Variants in ARFGEF1 observed in about 807,000 individuals in gnomAD.
ARFGEF1 encodes ARF guanine nucleotide exchange factor 1, also known as brefeldin A-inhibited guanine nucleotide-exchange protein 1.
Under a neutral mutation model 231.0 loss-of-function variants are expected in ARFGEF1, and 42 were observed. The ratio of observed to expected loss-of-function variants is 0.18; its 90% CI spans 0.14 to 0.24. The LOEUF (loss-of-function observed/expected upper bound fraction) is 0.24, where lower values mean the gene tolerates loss of function less well. ARFGEF1 is among the 10% of genes least tolerant of loss of function. The probability of loss-of-function intolerance (pLI) is 1.00; values close to 1 mark genes in which losing one functional copy is unlikely to be tolerated. For synonymous variants in ARFGEF1, 710 were observed against 732.3 expected, an observed-to-expected ratio of 0.97 and a Z score of 0.49; for missense variants, 1,345 against 2,192.0, an observed-to-expected ratio of 0.61 and a Z score of 7.72.
chr8:67,300,007 A>G (rs1213396578), intron 3 of ARFGEF1, among the ~76,000 whole-genome samples: 1 of 152,050 alleles, frequency 6.6e-6, no homozygotes, highest in Admixed American at 6.6e-5. Flanking sequence ...CTTTCCACAT[A>G]AACAAGGTTT....
chr8:67,264,459 A>G (rs1804765197), intron 14 of ARFGEF1, among the ~76,000 whole-genome samples: 1 of 152,152 alleles, frequency 6.6e-6, no homozygotes, highest in South Asian at 2.1e-4. Context: ...AATAAGAAAT[A>G]CAAAAATAAC....
At chr8:67,224,458 T>G (rs945245671) in intron 29 of ARFGEF1, among the ~76,000 whole-genome samples, 2 of 152,216 alleles carry the variant, frequency 1.3e-5, no homozygotes, top group African/African-American at 4.8e-5. Flanking sequence ...TTTGAATAGC[T>G]CTATATTATT....
At chr8:67,283,256 AAAGAT>A (rs1259779416) in intron 7 of ARFGEF1, among the ~76,000 whole-genome samples, 2 of 152,166 alleles carry the variant, frequency 1.3e-5, no homozygotes, top group African/African-American at 4.8e-5. Context: ...AATTTAGCCA[AAAGAT>A]AAGTGCAAAA....
chr8:67,258,054 G>A (rs1266068239), intron 16 of ARFGEF1, 31 bp downstream of exon 16: 4 of 1,566,468 alleles, frequency 2.6e-6, no homozygotes, highest in Non-Finnish European at 2.6e-6. Flanking sequence ...GGATATAACA[G>A]ACAATCAATG....
rs574900211 is a variant in ARFGEF1, at chr8:67,248,827, T to C, written c.2850+2472A>G. Among the ~76,000 whole-genome samples the C allele has an allele frequency of 3.3e-5, 5 of 150,738 alleles. No individual in the cohort carries two copies. The East Asian group carries it at 9.7e-4, about 29-fold the overall frequency. ...GTAAACAATTTAGGACGGTCATGCCTGCTTACAGGTGTTGTCTGTTGAAAC... is the reference window on the plus strand; with the variant it reads ...GTAAACAATTTAGGACGGTCATGCCCGCTTACAGGTGTTGTCTGTTGAAAC... On this transcript the variant is annotated intron_variant, in intron 19 of 38. Coordinates refer to ENST00000262215, the MANE Select transcript of ARFGEF1 (RefSeq NM_006421.5).
chr8:67,193,244 G>T (rs138037265), downstream of ARFGEF1, among the ~76,000 whole-genome samples: 2 of 151,944 alleles, frequency 1.3e-5, no homozygotes, highest in East Asian at 3.9e-4. Context: ...GACTACAGGC[G>T]CCTGCCACCA....
At position 67,333,739 on chromosome 8, in the gene ARFGEF1, T is replaced by C. The variant is rs551784715; in HGVS notation, c.124+9425A>G. Among the ~76,000 whole-genome samples, 16 of 152,324 alleles carry C rather than the reference T, an allele frequency of 1.1e-4. No individual in the cohort carries two copies. The South Asian group carries it at 3.3e-3, about 32-fold the overall frequency. ...GAAATGTTCCAAAATCTGAAACTTT[T>C]TGAGAACTGACATGAAGCCAGAAGT... On this transcript the variant is annotated intron_variant, in intron 1 of 38. Coordinates refer to ENST00000262215, the MANE Select transcript of ARFGEF1 (RefSeq NM_006421.5).
At chr8:67,308,438 A>C (rs16933259) in intron 1 of ARFGEF1, among the ~76,000 whole-genome samples, 3,377 of 152,334 alleles carry the variant, frequency 0.022, 81 homozygotes, top group South Asian at 0.047. Context: ...ATGTGTTGTG[A>C]AAATCTAGAT....
At chr8:67,254,096 C>G (rs1840379986) in intron 17 of ARFGEF1, among the ~76,000 whole-genome samples, 1 of 152,230 alleles carries the variant, frequency 6.6e-6, no homozygotes, top group South Asian at 2.1e-4. Context: ...AACAATCTCT[C>G]TGACTGAGTC....
chr8:67,310,560 C>T (rs992518600), intron 1 of ARFGEF1, among the ~76,000 whole-genome samples: 415 of 152,088 alleles, frequency 2.7e-3, no homozygotes, highest in Non-Finnish European at 2.5e-3. Context: ...GGCCGCCCAT[C>T]GTCTGGGATG....
At chr8:67,327,962 C>CT (rs1173502195) in intron 1 of ARFGEF1, among the ~76,000 whole-genome samples, 1 of 151,972 alleles carries the variant, frequency 6.6e-6, no homozygotes, top group Non-Finnish European at 1.5e-5. Flanking sequence ...GATGAATACA[C>CT]TTGTACATAT....
intron 34 of ARFGEF1, among the ~76,000 whole-genome samples, chr8:67,210,588 C>T (rs1838698851): frequency 6.6e-6 from 1 of 152,178 alleles, no homozygotes. Flanking sequence ...CTAGGCCCTA[C>T]TTTTGCAGAC....
chr8:67,310,747 C>T (rs898098060), intron 1 of ARFGEF1, among the ~76,000 whole-genome samples: 4 of 151,018 alleles, frequency 2.6e-5, no homozygotes, highest in African/African-American at 7.3e-5. Flanking sequence ...TGCCCGGCCG[C>T]GACCCCGTCT....
At chr8:67,329,997 A>G (rs189164764) in intron 1 of ARFGEF1, among the ~76,000 whole-genome samples, 2 of 152,196 alleles carry the variant, frequency 1.3e-5, no homozygotes, top group East Asian at 1.9e-4. Context: ...ACAAAACTGA[A>G]AACTACTTAG....
intron 7 of ARFGEF1, among the ~76,000 whole-genome samples, chr8:67,284,666 A>T (rs1313615276): frequency 6.6e-6 from 1 of 152,194 alleles, no homozygotes; most frequent in Non-Finnish European, 1.5e-5. Context: ...GTACAGAAAG[A>T]TGAGGAGCAA....
At chr8:67,284,681 G>A (rs1207647015) in intron 7 of ARFGEF1, among the ~76,000 whole-genome samples, 1 of 152,120 alleles carries the variant, frequency 6.6e-6, no homozygotes, top group Non-Finnish European at 1.5e-5. Flanking sequence ...GAGCAACCTT[G>A]TGGTATTGGA....
chr8:67,302,563 A>G, intron 1 of ARFGEF1, 97 bp from the exon 2 acceptor site: 1 of 830,744 alleles, frequency 1.2e-6, no homozygotes, highest in Non-Finnish European at 1.8e-6. Context: ...AACTTCTACA[A>G]AAAGTTGGAA....
chr8:67,248,537 C>T (rs995458759), intron 19 of ARFGEF1, among the ~76,000 whole-genome samples: 2 of 150,176 alleles, frequency 1.3e-5, no homozygotes, highest in Non-Finnish European at 1.5e-5. Context: ...ATGAAACTAC[C>T]GTAAGAAAAC....
intron 14 of ARFGEF1, among the ~76,000 whole-genome samples, chr8:67,261,252 A>G (rs1804609097): frequency 6.6e-6 from 1 of 152,244 alleles, no homozygotes; most frequent in Non-Finnish European, 1.5e-5. Context: ...AGAAGATGCC[A>G]TCTAGGACTT....
Sources: gnomAD v4.1 joint callset for allele counts (sites outside exome capture counted in the v4.1 genomes callset) on GRCh38, gnomAD v4.1.1 for gene constraint, MANE v1.5 for transcripts, NCBI Gene and HGNC (gene_info 2026-07-23, HGNC 2026-07-21) for gene names.